The following CDK14 variants were observed in gnomAD, a reference collection of about 807,000 sequenced individuals.
CDK14 encodes the protein cyclin dependent kinase 14, also known as cyclin-dependent kinase 14.
Under a neutral mutation model 60.7 loss-of-function variants are expected in CDK14, and 34 were observed. The observed-to-expected ratio is 0.56, with a 90% confidence interval of 0.43 to 0.75. The LOEUF (loss-of-function observed/expected upper bound fraction) is 0.75. CDK14 is among the 30% of genes least tolerant of loss of function. CDK14 has a pLI of 0.00. For synonymous variants in CDK14, 197 were observed against 203.7 expected (o/e 0.97, Z 0.28); for missense variants, 482 against 564.1 (o/e 0.85, Z 1.47).
chr7:91,076,953 C>A (rs1359330334), intron 11 of CDK14, among the ~76,000 whole-genome samples: 1 of 152,190 alleles, frequency 6.6e-6, no homozygotes, highest in Non-Finnish European at 1.5e-5. Context: ...ATGAGACCAT[C>A]TCATGCCTGT....
At chr7:91,142,245 G>C (rs1584120175) in intron 14 of CDK14, among the ~76,000 whole-genome samples, 3 of 152,134 alleles carry the variant, frequency 2.0e-5, no homozygotes, top group Admixed American at 2.0e-4. Context: ...AGGAAGATTA[G>C]ACCACTTTGG....
chr7:90,885,609 T>G (rs1016951101), intron 6 of CDK14, among the ~76,000 whole-genome samples: 11 of 152,288 alleles, frequency 7.2e-5, no homozygotes, highest in Admixed American at 1.3e-4. Context: ...TGAAGACACA[T>G]GTACACATAT....
At chr7:90,685,868 C>G (rs932091155) in intron 2 of CDK14, among the ~76,000 whole-genome samples, 4 of 151,934 alleles carry the variant, frequency 2.6e-5, no homozygotes, top group African/African-American at 9.7e-5. Context: ...TTTACATTTT[C>G]TAGTTTTTCT....
chr7:91,013,323 T>C (rs888536417), intron 10 of CDK14, among the ~76,000 whole-genome samples: 6 of 151,852 alleles, frequency 4.0e-5, no homozygotes, highest in African/African-American at 1.4e-4. Context: ...CTTTCTACTT[T>C]GAGTTCTGCT....
chr7:91,062,644 T>C (rs1305216843), intron 11 of CDK14, among the ~76,000 whole-genome samples: 1 of 152,160 alleles, frequency 6.6e-6, no homozygotes, highest in Non-Finnish European at 1.5e-5. Context: ...AGCTCTTTCC[T>C]GTGTATCAAA....
intron 2 of CDK14, among the ~76,000 whole-genome samples, chr7:90,628,906 A>C (rs1191264371): frequency 4.0e-5 from 6 of 151,850 alleles, no homozygotes; most frequent in Non-Finnish European, 5.9e-5. Context: ...CTGAGATGAA[A>C]GTTTGCATTT....
At chr7:90,866,668 T>A (rs1484536068) in intron 6 of CDK14, among the ~76,000 whole-genome samples, 1 of 152,168 alleles carries the variant, frequency 6.6e-6, no homozygotes, top group East Asian at 1.9e-4. Flanking sequence ...ATGTATTTCT[T>A]TTTTTGGCTT....
chr7:91,178,805 A>T (rs1764616880), intron 14 of CDK14, among the ~76,000 whole-genome samples: 1 of 151,692 alleles, frequency 6.6e-6, no homozygotes, highest in Admixed American at 6.6e-5. Context: ...AAGTCAGGAA[A>T]CAACAGGTGC....
intron 11 of CDK14, among the ~76,000 whole-genome samples, chr7:91,053,618 C>T (rs1335437743): frequency 6.6e-6 from 1 of 152,264 alleles, no homozygotes; most frequent in African/African-American, 2.4e-5. Flanking sequence ...TGTTTAGTCT[C>T]AGATGTGTAG....
chr7:90,784,188 A>G (rs1805469192), intron 4 of CDK14, among the ~76,000 whole-genome samples: 1 of 152,188 alleles, frequency 6.6e-6, no homozygotes, highest in African/African-American at 2.4e-5. Context: ...CAAATAGCAC[A>G]TGTTCTCAGT....
At chr7:90,758,262 CT>C (rs1346209780) in intron 4 of CDK14, among the ~76,000 whole-genome samples, 1 of 151,222 alleles carries the variant, frequency 6.6e-6, no homozygotes, top group Non-Finnish European at 1.5e-5. Context: ...TTGTCTTTCA[CT>C]GTCTCTTTGT....
At chr7:90,628,663 T>A (rs1021092765) in intron 2 of CDK14, among the ~76,000 whole-genome samples, 1 of 151,910 alleles carries the variant, frequency 6.6e-6, no homozygotes, top group East Asian at 1.9e-4. Flanking sequence ...TCTCTAAAAA[T>A]ATATATATAT....
chr7:90,888,350 A>AAAT (rs996241487), intron 6 of CDK14, among the ~76,000 whole-genome samples: 4 of 152,114 alleles, frequency 2.6e-5, no homozygotes, highest in South Asian at 2.1e-4. Context: ...CTCCATCTAA[A>AAAT]AATAATAATA....
chr7:90,771,870 C>T lies in CDK14; in HGVS notation c.465-18703C>T, dbSNP rs540395508. Among the ~76,000 whole-genome samples, 12 of 152,310 alleles carry T rather than the reference C, an allele frequency of 7.9e-5. No homozygotes were observed. The South Asian group carries it at 1.2e-3, about 16-fold the overall frequency. On this transcript the variant is annotated intron_variant, in intron 4 of 14. Coordinates refer to ENST00000380050, the MANE Select transcript of CDK14 (RefSeq NM_001287135.2). ...TGAAGGTCGAGTTTCACTGGGAACC[C>T]GTTCCTGTCTGCCTAGGAATTTGTC...
At chr7:91,127,959 A>T (rs1335986659) in intron 14 of CDK14, among the ~76,000 whole-genome samples, 1 of 152,160 alleles carries the variant, frequency 6.6e-6, no homozygotes, top group Non-Finnish European at 1.5e-5. Flanking sequence ...CTTTTTTTAA[A>T]CATAAATTCC....
intron 11 of CDK14, among the ~76,000 whole-genome samples, chr7:91,071,403 A>T (rs1454203506): frequency 6.6e-6 from 1 of 152,044 alleles, no homozygotes; most frequent in Non-Finnish European, 1.5e-5. Flanking sequence ...AGAGCAGTGT[A>T]GTGCGGCGGC....
chr7:90,979,490 C>T (rs1434654956), intron 9 of CDK14: 3 of 152,204 alleles, frequency 2.0e-5, no homozygotes, highest in Admixed American at 1.3e-4. Context: ...CATGTCCTCT[C>T]ATGCTCAAGG....
intron 3 of CDK14, among the ~76,000 whole-genome samples, chr7:90,733,465 T>C (rs760404652): frequency 2.8e-4 from 42 of 152,254 alleles, no homozygotes; most frequent in Non-Finnish European, 5.4e-4. Flanking sequence ...AGTCTCTTTG[T>C]AGGTCTCTAA....
At position 90,907,079 on chromosome 7, in the gene CDK14, A is replaced by C. The variant is rs3802044; in HGVS notation, c.702+7726A>C. ...AATTTTAGCAATTAATTAGAGGATGATTTAAAACCTGAATCAAAAGCCTGA... is the reference window on the plus strand; with the variant it reads ...AATTTTAGCAATTAATTAGAGGATGCTTTAAAACCTGAATCAAAAGCCTGA... On this transcript the variant is annotated intron_variant, in intron 7 of 14. Transcript: ENST00000380050. Among the ~76,000 whole-genome samples the C allele has an allele frequency of 7.0e-4, 106 of 152,210 alleles. 1 individual carries two copies. The East Asian group carries it at 0.016, about 23-fold the overall frequency.
Sources: gnomAD v4.1 joint callset for allele counts (sites outside exome capture counted in the v4.1 genomes callset) on GRCh38, gnomAD v4.1.1 for gene constraint, MANE v1.5 for transcripts, NCBI Gene and HGNC (gene_info 2026-07-23, HGNC 2026-07-21) for gene names.